MOBP: variants seen among roughly 807,000 people sequenced by gnomAD.
MOBP encodes the protein myelin associated oligodendrocyte basic protein, also known as myelin-associated oligodendrocyte basic protein.
MOBP carries 5 observed loss-of-function variants against 15.0 expected under a neutral mutation model. That is an observed-to-expected ratio of 0.33 (90% CI 0.17 to 0.70). MOBP has a LOEUF of 0.70. Among genes scored for constraint, MOBP ranks in the 30% least tolerant of loss-of-function variants. The pLI, the probability that MOBP is intolerant of heterozygous loss-of-function variation, is 0.67. For synonymous variants in MOBP, 88 were observed against 99.0 expected (o/e 0.89, Z 0.66); for missense variants, 188 against 257.8 (o/e 0.73, Z 1.85).
intron 2 of MOBP, chr3:39,499,519 C>G (rs779457587): frequency 6.6e-6 from 1 of 152,500 alleles, no homozygotes; most frequent in Admixed American, 6.5e-5. Context: ...ACTGACTCCT[C>G]GCTGAGTTCA....
At chr3:39,506,845 C>CAT (rs1042624087), downstream of MOBP, among the ~76,000 whole-genome samples, 4 of 152,222 alleles carry the variant, frequency 2.6e-5, no homozygotes, top group African/African-American at 7.2e-5. Context: ...CTGTGGCCTT[C>CAT]ATGCTGCTTT....
chr3:39,487,957 T>A (rs1293253342), intron 2 of MOBP, among the ~76,000 whole-genome samples: 1 of 152,224 alleles, frequency 6.6e-6, no homozygotes, highest in East Asian at 1.9e-4. Flanking sequence ...AAAGTTTACA[T>A]CTTTTATGAT....
chr3:39,474,133 A>C (rs191299374), intron 1 of MOBP, among the ~76,000 whole-genome samples: 14 of 152,356 alleles, frequency 9.2e-5, no homozygotes, highest in Non-Finnish European at 1.9e-4. Context: ...TGAATGCTCC[A>C]AACAAGGGAT....
chr3:39,502,186 A>C lies in MOBP; in HGVS notation c.117A>C (p.Ile39=), dbSNP rs1356501482. The change falls in exon 3 of 4, where the codon ATA becomes ATC. Residue 39 remains isoleucine (I), a synonymous_variant. Coordinates refer to ENST00000684792, the MANE Select transcript of MOBP (RefSeq NM_001393704.1). This position sits in a 1 kb window ranked among gnomAD's most constrained non-coding sequence, Gnocchi z 6.3. ...PFTFLNSKKE[I]VDRKYSICKS... ...CCTTCCTCAATTCCAAGAAGGAGAT[A>C]GTGGATCGGAAATACAGCATCTGTA... 1 of 1,614,190 alleles carries C rather than the reference A, an allele frequency of 6.2e-7. No homozygotes were observed. Among genetic ancestry groups the C allele is most frequent in the Non-Finnish European group, 8.5e-7 (1 of 1,180,018 alleles).
chr3:39,506,241 A>G (rs2043046476), downstream of MOBP, among the ~76,000 whole-genome samples: 1 of 152,078 alleles, frequency 6.6e-6, no homozygotes, highest in Non-Finnish European at 1.5e-5. Flanking sequence ...TCTCTACCTT[A>G]GACAAATTTT....
chr3:39,507,989 GA>G (rs1487999964), downstream of MOBP, among the ~76,000 whole-genome samples: 2 of 152,110 alleles, frequency 1.3e-5, no homozygotes, highest in African/African-American at 4.8e-5. Flanking sequence ...ACACCCCTGG[GA>G]AAACCCCAGC....
chr3:39,512,589 A>G (rs1400718901), intron 4 of MOBP, among the ~76,000 whole-genome samples: 3 of 152,226 alleles, frequency 2.0e-5, no homozygotes, highest in African/African-American at 4.8e-5. Flanking sequence ...GGTATTGCTA[A>G]TATCTGAGTA....
chr3:39,498,387 A>G (rs551130421), intron 2 of MOBP, among the ~76,000 whole-genome samples: 3 of 151,838 alleles, frequency 2.0e-5, no homozygotes, highest in Admixed American at 6.6e-5. Context: ...GTCTTGCTCT[A>G]TCTCTCAGGC....
At chr3:39,503,553 A>ATT (rs5848509), downstream of MOBP, among the ~76,000 whole-genome samples, 38,238 of 137,662 alleles carry the variant, frequency 0.28, 5,708 homozygotes, top group Middle Eastern at 0.32. Context: ...TCTGTAGGCT[A>ATT]TTTTTTTTTT....
At chr3:39,492,782 G>A (rs185392757) in intron 2 of MOBP, among the ~76,000 whole-genome samples, 1 of 152,236 alleles carries the variant, frequency 6.6e-6, no homozygotes, top group African/African-American at 2.4e-5. Flanking sequence ...TAGGGTTCAG[G>A]TCCTGGGTGC....
At chr3:39,528,624 A>C (rs1268741194), downstream of MOBP, 1 of 152,248 alleles carries the variant, frequency 6.6e-6, no homozygotes, top group African/African-American at 2.4e-5. Context: ...TTGAAAATGC[A>C]GGGTGTTGTT....
downstream of MOBP, among the ~76,000 whole-genome samples, chr3:39,520,386 A>C (rs1238877842): frequency 6.6e-6 from 1 of 152,188 alleles, no homozygotes; most frequent in Admixed American, 6.5e-5. Context: ...AAAAGTCCTC[A>C]GTCTACTTGA....
intron 2 of MOBP, among the ~76,000 whole-genome samples, chr3:39,498,640 A>T (rs1481811096): frequency 6.6e-6 from 1 of 152,170 alleles, no homozygotes; most frequent in Non-Finnish European, 1.5e-5. Context: ...AGGAGGGAGA[A>T]AACATTATTT....
chr3:39,493,759 G>A (rs540872120), intron 2 of MOBP, among the ~76,000 whole-genome samples: 1 of 152,316 alleles, frequency 6.6e-6, no homozygotes, highest in South Asian at 2.1e-4. Context: ...TGGGGGAAGG[G>A]AAGGATCTGG....
intron 1 of MOBP, among the ~76,000 whole-genome samples, chr3:39,478,796 C>G (rs973578994): frequency 3.9e-5 from 6 of 151,908 alleles, no homozygotes; most frequent in African/African-American, 1.5e-4. Context: ...ATACTTGCTT[C>G]TATATCACTA....
chr3:39,478,344 G>T (rs1229864745), intron 1 of MOBP, among the ~76,000 whole-genome samples: 8 of 152,176 alleles, frequency 5.3e-5, no homozygotes, highest in African/African-American at 1.9e-4. Context: ...GTGCAGGTTT[G>T]TAGCCTGGGA....
At chr3:39,498,712 G>T (rs1768237) in intron 2 of MOBP, among the ~76,000 whole-genome samples, 41,939 of 152,058 alleles carry the variant, frequency 0.28, 6,935 homozygotes, top group African/African-American at 0.46. Context: ...CCAGGGAAGA[G>T]AATTACTTTT....
At chr3:39,484,220 T>C (rs1425724205) in intron 2 of MOBP, among the ~76,000 whole-genome samples, 1 of 152,146 alleles carries the variant, frequency 6.6e-6, no homozygotes, top group Admixed American at 6.5e-5. Flanking sequence ...ACAGACATGA[T>C]AGGGAAAAGG....
chr3:39,517,490 C>T (rs1182525318), downstream of MOBP, among the ~76,000 whole-genome samples: 1 of 152,140 alleles, frequency 6.6e-6, no homozygotes, highest in Non-Finnish European at 1.5e-5. Flanking sequence ...TTCACATCAA[C>T]AAAAGTAATG....
Sources: allele counts gnomAD v4.1 joint callset (sites outside exome capture counted in the v4.1 genomes callset), GRCh38; gene constraint gnomAD v4.1.1; non-coding constraint Gnocchi (gnomAD v3.1); transcripts MANE v1.5; gene names NCBI Gene and HGNC (gene_info 2026-07-23, HGNC 2026-07-21).